RSBN1L: variants seen among roughly 807,000 people sequenced by gnomAD.
RSBN1L encodes the protein lysine-specific demethylase RSBN1L.
In RSBN1L, 30 loss-of-function variants were observed where a neutral mutation model predicts 67.7. That is an observed-to-expected ratio of 0.44 (90% CI 0.33 to 0.60). The LOEUF (loss-of-function observed/expected upper bound fraction) is 0.60, where lower values mean the gene tolerates loss of function less well. Among genes scored for constraint, RSBN1L ranks in the 20% least tolerant of loss-of-function variants. The pLI, the probability that RSBN1L is intolerant of heterozygous loss-of-function variation, is 0.02. For synonymous variants in RSBN1L, 433 were observed against 387.0 expected (o/e 1.12, Z -1.39); for missense variants, 992 against 1,031.7 (o/e 0.96, Z 0.53).
In RSBN1L at chr7:77,718,290, A is replaced by C. The variant is rs1320158156; in HGVS notation, c.587-18120A>C. On this transcript the variant is annotated intron_variant, in intron 1 of 7. Coordinates refer to ENST00000334955, the MANE Select transcript of RSBN1L (RefSeq NM_198467.3). Reference sequence around the variant, plus strand: ...TTTTAGCCCTTCACTTCTTGATTTTAATATATCAGTGTATTTTGTTTTATG... The same window carrying C: ...TTTTAGCCCTTCACTTCTTGATTTTCATATATCAGTGTATTTTGTTTTATG... Among the ~76,000 whole-genome samples, 3 of 152,078 alleles carry C rather than the reference A, an allele frequency of 2.0e-5. No homozygotes were observed. In the South Asian group the frequency reaches 6.2e-4, roughly 32 times the overall value.
At position 77,778,389 on chromosome 7, in the gene RSBN1L, T is replaced by A. The variant is rs1432596410; in HGVS notation, c.1845T>A (p.Asp615Glu). ...ATGTAATTTGTTTTCATGCTGAAGA[T>A]TTCTTAGAAGTAGTTCAACGAATGC... ...TKDVICFHAE[D>E]FLEVVQRMQL... Residue 615 changes from aspartate to glutamate, a missense_variant, in exon 7 of 8, where the codon GAT (aspartate) becomes GAA (glutamate). Coordinates refer to ENST00000334955, the MANE Select transcript of RSBN1L (RefSeq NM_198467.3). The A allele has an allele frequency of 6.2e-7, 1 of 1,613,348 alleles. No individual in the cohort carries two copies. The highest frequency in any genetic ancestry group is 8.5e-7 in the Non-Finnish European group (1 of 1,179,684).
intron 1 of RSBN1L, among the ~76,000 whole-genome samples, chr7:77,728,906 A>G (rs1791240922): frequency 6.6e-6 from 1 of 152,154 alleles, no homozygotes; most frequent in South Asian, 2.1e-4. Flanking sequence ...GAGTTCTGGG[A>G]TATTGCTAAC....
chr7:77,746,881 A>G (rs1468528288), intron 2 of RSBN1L, among the ~76,000 whole-genome samples: 1 of 152,066 alleles, frequency 6.6e-6, no homozygotes, highest in Non-Finnish European at 1.5e-5. Context: ...ATCCCCTTTG[A>G]CTCCATGACC....
intron 1 of RSBN1L, among the ~76,000 whole-genome samples, chr7:77,710,167 A>G (rs1330391368): frequency 4.6e-5 from 7 of 152,186 alleles, no homozygotes; most frequent in Admixed American, 4.6e-4. Flanking sequence ...TGGGCTCCCT[A>G]TTTCAGATCC....
rs756679110 is a variant in RSBN1L at position 77,779,036 on chromosome 7, T to C, written c.2409T>C (p.Asp803=). The change falls in exon 8 of 8, where the codon GAT becomes GAC. Residue 803 remains aspartate (D), a synonymous_variant. Transcript: ENST00000334955. ...VQFAEFKIDM[D]SKFENSNKDL... ...TTGCAGAATTTAAGATTGACATGGA[T>C]TCTAAATTTGAAAATAGCAACAAAG... 1.2e-6 allele frequency: 2 copies of C among 1,614,010 alleles called. No individual in the cohort carries two copies. Among genetic ancestry groups the C allele is most frequent in the East Asian group, 4.5e-5 (2 of 44,842 alleles).
intron 1 of RSBN1L, among the ~76,000 whole-genome samples, chr7:77,726,881 A>G (rs1791210916): frequency 1.3e-5 from 2 of 148,758 alleles, no homozygotes; most frequent in South Asian, 4.2e-4. Context: ...TCCTGGGTTC[A>G]AGTGATTCTC....
At chr7:77,759,958 C>T (rs906569537) in intron 3 of RSBN1L, among the ~76,000 whole-genome samples, 1 of 152,202 alleles carries the variant, frequency 6.6e-6, no homozygotes, top group Non-Finnish European at 1.5e-5. Context: ...GCTCTCTCTT[C>T]AGGGAACATG....
intron 1 of RSBN1L, among the ~76,000 whole-genome samples, chr7:77,733,864 C>T (rs925319708): frequency 1.6e-4 from 25 of 152,328 alleles, no homozygotes; most frequent in African/African-American, 2.2e-4. Flanking sequence ...TGGTGGCTCA[C>T]GCCTGTAATC....
In RSBN1L at chr7:77,759,238, A is replaced by G. The variant is rs552118563; in HGVS notation, c.1345-6257A>G. Among the ~76,000 whole-genome samples the G allele has an allele frequency of 2.6e-5, 4 of 152,252 alleles. No homozygotes were observed. The East Asian group carries it at 7.7e-4, about 29-fold the overall frequency. ...TTTGTACTAAATTTTCATTTTGACC[A>G]ATTGTGCCTGCCCCATGCTCCCCAA... On this transcript the variant is annotated intron_variant, in intron 3 of 7. Coordinates refer to ENST00000334955, the MANE Select transcript of RSBN1L (RefSeq NM_198467.3).
intron 1 of RSBN1L, among the ~76,000 whole-genome samples, chr7:77,715,522 A>C (rs1404420071): frequency 6.6e-6 from 1 of 151,976 alleles, no homozygotes; most frequent in Admixed American, 6.6e-5. Context: ...TTGGCCAGGA[A>C]GGTCTCGAAC....
At chr7:77,758,062 A>T in intron 3 of RSBN1L, among the ~76,000 whole-genome samples, 1 of 152,242 alleles carries the variant, frequency 6.6e-6, no homozygotes, top group East Asian at 1.9e-4. Context: ...GAAATTCATG[A>T]TAATGCTATC....
In RSBN1L at chr7:77,736,621, G is replaced by A. The variant is rs928868176; in HGVS notation, c.703+95G>A. ...AAAATAAGAAATGTTATTTGGTGCT[G>A]AATTTTGCGGAGAATGAACAATGAT... On this transcript the variant is annotated intron_variant, in intron 2 of 7. Transcript: ENST00000334955. 21 of 621,766 alleles carry A rather than the reference G, an allele frequency of 3.4e-5. No individual in the cohort carries two copies. The African/African-American group carries it at 3.9e-4, about 12-fold the overall frequency. 38.5% of individuals were successfully genotyped at this position (621,766 alleles called of 1,614,324 possible).
chr7:77,767,795 C>T (rs1791791777), intron 4 of RSBN1L, among the ~76,000 whole-genome samples: 1 of 69,446 alleles, frequency 1.4e-5, no homozygotes, highest in Non-Finnish European at 2.9e-5. Flanking sequence ...CCCCTTCTCC[C>T]TCCCCCTTCC....
At position 77,782,129 on chromosome 7, in the gene RSBN1L, G is replaced by T. The variant is rs1425766540; in HGVS notation, c.*2961G>T. ...CACATCCTCTTCAGATACAATCTGA[G>T]AACTTGTTGACTACCTTTGTTACAT... is the stretch of plus-strand genomic sequence containing the variant. On this transcript the variant is annotated 3_prime_UTR_variant, in exon 8 of 8. Coordinates refer to ENST00000334955, the MANE Select transcript of RSBN1L (RefSeq NM_198467.3). 1 of 151,994 alleles carries T rather than the reference G, an allele frequency of 6.6e-6. No homozygotes were observed. The highest frequency in any genetic ancestry group is 3.2e-3 in the Middle Eastern group (1 of 316). 9.4% of individuals were successfully genotyped at this position (151,994 alleles called of 1,614,324 possible). A position where few individuals can be genotyped will look rare whatever the true frequency, so the allele number is the denominator to read the frequency against.
intron 1 of RSBN1L, among the ~76,000 whole-genome samples, chr7:77,732,553 C>T (rs779252057): frequency 3.9e-5 from 6 of 152,100 alleles, no homozygotes; most frequent in Non-Finnish European, 7.4e-5. Context: ...AGGTTGGTCT[C>T]GAACTCCTGA....
intron 1 of RSBN1L, among the ~76,000 whole-genome samples, chr7:77,721,729 A>G (rs192224470): frequency 0.011 from 1,661 of 152,308 alleles, 27 homozygotes; most frequent in Non-Finnish European, 0.014. Flanking sequence ...AGAAAAGGCT[A>G]AAAGAAGGTG....
intron 1 of RSBN1L, among the ~76,000 whole-genome samples, chr7:77,705,021 A>G (rs962970570): frequency 6.6e-6 from 1 of 151,952 alleles, no homozygotes; most frequent in Non-Finnish European, 1.5e-5. Context: ...GTATAAATAT[A>G]AGAGTGAGAT....
chr7:77,716,518 C>T (rs1276081349), intron 1 of RSBN1L, among the ~76,000 whole-genome samples: 1 of 149,778 alleles, frequency 6.7e-6, no homozygotes. Context: ...CTTCTACCCA[C>T]TGTCACGCTC....
chr7:77,768,468 G>A, intron 4 of RSBN1L, 193 bp from the exon 5 acceptor site: 1 of 542,856 alleles, frequency 1.8e-6, no homozygotes. Flanking sequence ...TTATTTTCTT[G>A]GTGTGTTTGA....
Sources: allele counts gnomAD v4.1 joint callset (sites outside exome capture counted in the v4.1 genomes callset), GRCh38; gene constraint gnomAD v4.1.1; transcripts MANE v1.5; gene names NCBI Gene and HGNC (gene_info 2026-07-23, HGNC 2026-07-21).